Variants in MAPK4 observed in about 807,000 individuals in gnomAD.
The protein encoded by MAPK4 is Erk3-related.
MAPK4 carries 22 observed loss-of-function variants against 47.7 expected under a neutral mutation model. That is an observed-to-expected ratio of 0.46 (90% CI 0.33 to 0.66). The LOEUF is 0.66. MAPK4 is among the 30% of genes least tolerant of loss of function. The pLI is 0.02. For missense variants in MAPK4, 736 were observed against 831.7 expected, an observed-to-expected ratio of 0.88 and a Z score of 1.42; for synonymous variants, 390 against 365.7, an observed-to-expected ratio of 1.07 and a Z score of -0.76.
intron 1 of MAPK4, among the ~76,000 whole-genome samples, chr18:50,636,572 G>T (rs148428416): frequency 2.8e-3 from 419 of 152,300 alleles, no homozygotes; most frequent in African/African-American, 9.9e-3. Context: ...ACTCCTGACA[G>T]CCCCATTACA....
At chr18:50,658,824 A>T (rs7238465) in intron 1 of MAPK4, among the ~76,000 whole-genome samples, 3,328 of 152,246 alleles carry the variant, frequency 0.022, 110 homozygotes, top group African/African-American at 0.075. Flanking sequence ...CAACAGGAAG[A>T]CTGAGTCCAA....
intron 2 of MAPK4, among the ~76,000 whole-genome samples, chr18:50,685,546 G>A (rs1484564259): frequency 1.3e-5 from 2 of 152,236 alleles, no homozygotes; most frequent in Non-Finnish European, 2.9e-5. Context: ...TGCAGTGCAT[G>A]TGGGGGAGGC....
chr18:50,561,635 G>T (rs952315189), intron 1 of MAPK4, among the ~76,000 whole-genome samples: 5 of 152,326 alleles, frequency 3.3e-5, no homozygotes, highest in African/African-American at 4.8e-5. Flanking sequence ...ACAAGGGAGA[G>T]AAAATATAAT....
At chr18:50,567,520 T>C (rs981789940) in intron 1 of MAPK4, among the ~76,000 whole-genome samples, 2 of 152,244 alleles carry the variant, frequency 1.3e-5, no homozygotes, top group African/African-American at 2.4e-5. Context: ...AGGATGTGTA[T>C]GCATTGTGTT....
At chr18:50,709,153 G>C (rs1050424218) in intron 2 of MAPK4, among the ~76,000 whole-genome samples, 5 of 152,010 alleles carry the variant, frequency 3.3e-5, no homozygotes, top group Non-Finnish European at 5.9e-5. Flanking sequence ...CCAGGTTCTC[G>C]TGTGACAGGC....
At chr18:50,721,567 A>G (rs1910936539) in intron 3 of MAPK4, among the ~76,000 whole-genome samples, 1 of 152,128 alleles carries the variant, frequency 6.6e-6, no homozygotes. Context: ...TTCCTTCCCC[A>G]TCCTAGTAAA....
chr18:50,697,717 G>A (rs904536296), intron 2 of MAPK4, among the ~76,000 whole-genome samples: 7 of 152,182 alleles, frequency 4.6e-5, no homozygotes, highest in African/African-American at 1.7e-4. Context: ...GTAGGAAGCC[G>A]AATAACATCA....
chr18:50,690,970 G>C (rs1909181837), intron 2 of MAPK4, among the ~76,000 whole-genome samples: 2 of 152,040 alleles, frequency 1.3e-5, no homozygotes, highest in African/African-American at 4.8e-5. Flanking sequence ...GGGCACAAAG[G>C]AAGGATTCAT....
In MAPK4 at chr18:50,637,191, G is replaced by A. The variant is rs17742398; in HGVS notation, c.-870-25898G>A. ...TATTGAGGATCCCTCAGTGACAACAGTGATAATAATAATCATGGCATTAAT... is the reference window on the plus strand; with the variant it reads ...TATTGAGGATCCCTCAGTGACAACAATGATAATAATAATCATGGCATTAAT... On this transcript the variant is annotated intron_variant, in intron 1 of 5. Coordinates refer to ENST00000400384, the MANE Select transcript of MAPK4 (RefSeq NM_002747.4). Among the ~76,000 whole-genome samples the A allele has an allele frequency of 4.6e-3, 697 of 152,272 alleles. 5 individuals carry two copies. The highest frequency in any genetic ancestry group is 0.015 in the African/African-American group (630 of 41,546).
chr18:50,637,344 G>A (rs945927815), intron 1 of MAPK4, among the ~76,000 whole-genome samples: 21 of 152,070 alleles, frequency 1.4e-4, no homozygotes, highest in African/African-American at 4.3e-4. Flanking sequence ...GATCTTTGTG[G>A]CCCCATTTGA....
intron 1 of MAPK4, among the ~76,000 whole-genome samples, chr18:50,609,156 C>T (rs1175197510): frequency 6.6e-6 from 1 of 152,044 alleles, no homozygotes; most frequent in African/African-American, 2.4e-5. Flanking sequence ...ATTTCTCTAT[C>T]TTTTCCCCAC....
At chr18:50,719,730 A>G (rs1910834333) in intron 3 of MAPK4, among the ~76,000 whole-genome samples, 1 of 152,206 alleles carries the variant, frequency 6.6e-6, no homozygotes, top group Non-Finnish European at 1.5e-5. Flanking sequence ...GGGCTTCTCC[A>G]TACCACAGCA....
chr18:50,617,946 TC>T (rs2149380641), intron 1 of MAPK4, among the ~76,000 whole-genome samples: 1 of 152,354 alleles, frequency 6.6e-6, no homozygotes, highest in Non-Finnish European at 1.5e-5. Flanking sequence ...CTTGAACATG[TC>T]CCATGACAGG....
intron 2 of MAPK4, among the ~76,000 whole-genome samples, chr18:50,695,236 C>T (rs1363150579): frequency 2.0e-5 from 3 of 150,720 alleles, no homozygotes; most frequent in African/African-American, 7.3e-5. Flanking sequence ...ATCCCAGCTA[C>T]TCAGGAGGCT....
At chr18:50,702,324 T>C (rs992232577) in intron 2 of MAPK4, among the ~76,000 whole-genome samples, 5 of 152,060 alleles carry the variant, frequency 3.3e-5, no homozygotes, top group African/African-American at 1.2e-4. Flanking sequence ...GAGCCTGAGG[T>C]CGGAGGATCA....
At chr18:50,560,015 G>T, upstream of MAPK4, 1 of 149,062 alleles carries the variant, frequency 6.7e-6, no homozygotes, top group South Asian at 1.9e-4. Context: ...CAGTGGGCGG[G>T]GGCGGGGCCC....
chr18:50,722,817 A>G (rs1911003083), intron 4 of MAPK4, among the ~76,000 whole-genome samples: 4 of 152,288 alleles, frequency 2.6e-5, no homozygotes, highest in African/African-American at 9.6e-5. Flanking sequence ...TGGATGAAGC[A>G]GGGTTGAGGG....
chr18:50,653,641 G>A (rs1389302541), intron 1 of MAPK4, among the ~76,000 whole-genome samples: 3 of 152,208 alleles, frequency 2.0e-5, no homozygotes, highest in African/African-American at 2.4e-5. Flanking sequence ...GGAAGGAAGC[G>A]GAGGAGAATG....
At chr18:50,704,130 C>A (rs1909927266) in intron 2 of MAPK4, among the ~76,000 whole-genome samples, 1 of 152,154 alleles carries the variant, frequency 6.6e-6, no homozygotes, top group Admixed American at 6.5e-5. Flanking sequence ...CCCTCCCACG[C>A]CATCTGTATA....
Sources: allele counts gnomAD v4.1 joint callset (sites outside exome capture counted in the v4.1 genomes callset), GRCh38; gene constraint gnomAD v4.1.1; transcripts MANE v1.5; gene names NCBI Gene and HGNC (gene_info 2026-07-23, HGNC 2026-07-21).